Variants in CSMD2 observed in about 807,000 individuals in gnomAD.
CSMD2 encodes CUB and sushi domain-containing protein 2.
Under a neutral mutation model 398.5 loss-of-function variants are expected in CSMD2, and 130 were observed. The ratio of observed to expected loss-of-function variants is 0.33; its 90% CI spans 0.28 to 0.38. The LOEUF (loss-of-function observed/expected upper bound fraction) is 0.38. Among genes scored for constraint, CSMD2 ranks in the 10% least tolerant of loss-of-function variants. CSMD2 has a pLI of 1.00. For missense variants in CSMD2, 3,829 were observed against 4,764.9 expected (o/e 0.80, Z 5.78); for synonymous variants, 1,828 against 1,908.5 (o/e 0.96, Z 1.10).
intron 2 of CSMD2, among the ~76,000 whole-genome samples, chr1:34,056,329 C>T (rs1653825652): frequency 6.6e-6 from 1 of 152,178 alleles, no homozygotes; most frequent in Non-Finnish European, 1.5e-5. Context: ...CATGTTTCTG[C>T]CTCAAGACTG....
chr1:34,064,402 A>T lies in CSMD2; in HGVS notation c.404+24575T>A, dbSNP rs372856646. On this transcript the variant is annotated intron_variant, in intron 2 of 70. Coordinates refer to ENST00000373381, the MANE Select transcript of CSMD2 (RefSeq NM_001281956.2). ...GAAATTTCTTCTGCCAGATACCCTAAATCATCTCTCTCAAGTTCAAAGTTC... is the reference window on the plus strand; with the variant it reads ...GAAATTTCTTCTGCCAGATACCCTATATCATCTCTCTCAAGTTCAAAGTTC... Among the ~76,000 whole-genome samples the T allele has an allele frequency of 2.0e-5, 3 of 152,116 alleles. No individual in the cohort carries two copies. In the East Asian group the frequency reaches 5.8e-4, roughly 29 times the overall value.
At chr1:34,002,203 T>C (rs1229776522) in intron 3 of CSMD2, among the ~76,000 whole-genome samples, 1 of 152,234 alleles carries the variant, frequency 6.6e-6, no homozygotes, top group African/African-American at 2.4e-5. Context: ...CTGAAAACCT[T>C]AACAATGCTC....
chr1:34,083,232 A>ATTTCC (rs1266630374), intron 2 of CSMD2, among the ~76,000 whole-genome samples: 16 of 152,210 alleles, frequency 1.1e-4, no homozygotes, highest in African/African-American at 3.9e-4. Context: ...CAGCATGGAA[A>ATTTCC]ATGCTGCTAG....
intron 12 of CSMD2, among the ~76,000 whole-genome samples, chr1:33,782,872 G>C (rs149746889): frequency 5.3e-5 from 8 of 152,232 alleles, no homozygotes; most frequent in African/African-American, 1.7e-4. Flanking sequence ...TCAATGGGAA[G>C]TTGTCATTTT....
intron 22 of CSMD2, among the ~76,000 whole-genome samples, chr1:33,708,534 A>T (rs2149147305): frequency 6.6e-6 from 1 of 151,988 alleles, no homozygotes; most frequent in African/African-American, 2.4e-5. Flanking sequence ...TTCATCATCC[A>T]TGTTGACGGT....
At chr1:33,776,248 T>C (rs892372096) in intron 12 of CSMD2, among the ~76,000 whole-genome samples, 27 of 152,052 alleles carry the variant, frequency 1.8e-4, no homozygotes, top group African/African-American at 5.3e-4. Flanking sequence ...CTACAGGGGC[T>C]CCAGAGAAGG....
chr1:33,761,980 C>G (rs1022669469), intron 13 of CSMD2, among the ~76,000 whole-genome samples: 1 of 152,180 alleles, frequency 6.6e-6, no homozygotes, highest in South Asian at 2.1e-4. Flanking sequence ...CCTGAGTCAC[C>G]CAAAAGATTG....
intron 10 of CSMD2, 79 bp downstream of exon 10, chr1:33,810,664 G>T: frequency 1.4e-6 from 2 of 1,462,358 alleles, no homozygotes; most frequent in Non-Finnish European, 1.9e-6. Context: ...TAAGTTCTGG[G>T]TTTGAAAAAC....
intron 3 of CSMD2, among the ~76,000 whole-genome samples, chr1:33,975,486 TAC>T (rs57095754): frequency 0.04 from 5,901 of 145,986 alleles, 367 homozygotes; most frequent in African/African-American, 0.13. Context: ...CTCCCAAGTG[TAC>T]ACACACACAC....
At chr1:33,600,077 A>T (rs1453672768) in intron 44 of CSMD2, 1 of 676,012 alleles carries the variant, frequency 1.5e-6, no homozygotes, top group East Asian at 2.7e-5. Flanking sequence ...ACTACCTCAC[A>T]GAATTCTTAC....
In CSMD2 at chr1:34,032,578, T is replaced by A; in HGVS notation, c.517+16A>T. The stretch of plus-strand genomic sequence containing the variant: ...TCACATCTCCGGCTCCTGTGGCCGA[T>A]GAGGGAGGCACTTACCTTCATAGGT... On this transcript the variant is annotated intron_variant, in intron 3 of 70. Coordinates refer to ENST00000373381, the MANE Select transcript of CSMD2 (RefSeq NM_001281956.2). 1 of 1,514,204 alleles carries A rather than the reference T, an allele frequency of 6.6e-7. No homozygotes were observed. The highest frequency in any genetic ancestry group is 9.0e-7 in the Non-Finnish European group (1 of 1,114,748). 93.8% of individuals were successfully genotyped at this position (1,514,204 alleles called of 1,614,324 possible).
chr1:33,712,416 A>C (rs1646023060), intron 21 of CSMD2, among the ~76,000 whole-genome samples: 1 of 152,144 alleles, frequency 6.6e-6, no homozygotes, highest in Non-Finnish European at 1.5e-5. Context: ...TGTGGACTAA[A>C]TCATCCAATT....
chr1:33,839,754 G>A (rs1660664968), intron 6 of CSMD2: 1 of 152,190 alleles, frequency 6.6e-6, no homozygotes, highest in South Asian at 2.1e-4. Flanking sequence ...TATCATTTGG[G>A]TGTTTTGCCT....
chr1:33,760,911 A>G (rs921494817), intron 13 of CSMD2, among the ~76,000 whole-genome samples: 2 of 152,064 alleles, frequency 1.3e-5, no homozygotes, highest in African/African-American at 2.4e-5. Flanking sequence ...CCCTCAATCC[A>G]GCAAGACCCC....
chr1:33,716,268 G>A lies in CSMD2; in HGVS notation c.3217+18C>T, dbSNP rs1646164318. 2 of 1,594,474 alleles carry A rather than the reference G, an allele frequency of 1.3e-6. No homozygotes were observed. Among genetic ancestry groups the A allele is most frequent in the African/African-American group, 1.3e-5 (1 of 74,552 alleles). On this transcript the variant is annotated intron_variant, in intron 20 of 70. Transcript: ENST00000373381. ...AGCACCATGGTCTCTTCCCCTCAGG[G>A]ACCCTCATACTCTTTACCTGAGAAG...
intron 6 of CSMD2, among the ~76,000 whole-genome samples, chr1:33,827,917 G>A (rs1316759112): frequency 6.6e-6 from 1 of 152,132 alleles, no homozygotes; most frequent in Admixed American, 6.5e-5. Flanking sequence ...CCAAGCTCAG[G>A]CTCTGAAAAC....
rs1011445370 is a variant in CSMD2, at chr1:33,566,555, C to T, written c.8380+1038G>A. ...CTTATAAGGCAATTTATACTGCATACAAGAATCACACCTAAGAGAAGCAGA... is the reference window on the plus strand; with the variant it reads ...CTTATAAGGCAATTTATACTGCATATAAGAATCACACCTAAGAGAAGCAGA... On this transcript the variant is annotated intron_variant, in intron 53 of 70. Coordinates refer to ENST00000373381, the MANE Select transcript of CSMD2 (RefSeq NM_001281956.2). 2.6e-5 allele frequency among the ~76,000 whole-genome samples: 4 copies of T among 152,128 alleles called. No homozygotes were observed. In the East Asian group the frequency reaches 5.8e-4, roughly 22 times the overall value.
intron 3 of CSMD2, among the ~76,000 whole-genome samples, chr1:34,023,162 C>T (rs1042577554): frequency 6.6e-6 from 1 of 152,090 alleles, no homozygotes; most frequent in Non-Finnish European, 1.5e-5. Flanking sequence ...CCCTTTAACC[C>T]AATTAAAGGG....
At position 33,739,125 on chromosome 1, in the gene CSMD2, C is replaced by A; in HGVS notation, c.2368+15G>T. 1 of 1,604,988 alleles carries A rather than the reference C, an allele frequency of 6.2e-7. No homozygotes were observed. Among genetic ancestry groups the A allele is most frequent in the Non-Finnish European group, 8.5e-7 (1 of 1,176,506 alleles). On this transcript the variant is annotated intron_variant, in intron 15 of 70. Coordinates refer to ENST00000373381, the MANE Select transcript of CSMD2 (RefSeq NM_001281956.2). ...GGCTGACAATGGCCACTGCTCCCAGCCTGCAGGCTCGTACCTTCACACCGC... is the reference window on the plus strand; with the variant it reads ...GGCTGACAATGGCCACTGCTCCCAGACTGCAGGCTCGTACCTTCACACCGC...
Sources: gnomAD v4.1 joint callset for allele counts (sites outside exome capture counted in the v4.1 genomes callset) on GRCh38, gnomAD v4.1.1 for gene constraint, MANE v1.5 for transcripts, NCBI Gene and HGNC (gene_info 2026-07-23, HGNC 2026-07-21) for gene names.